Variants in TRAM2 observed in about 807,000 individuals in gnomAD.
TRAM2 encodes the protein translocating chain-associated membrane protein 2.
In TRAM2, 12 loss-of-function variants were observed where a neutral mutation model predicts 51.0. That is an observed-to-expected ratio of 0.24 (90% CI 0.15 to 0.38). The LOEUF (loss-of-function observed/expected upper bound fraction) is 0.38. Ranked by LOEUF, TRAM2 falls within the 10% of genes least tolerant of loss-of-function variation. TRAM2 has a pLI of 1.00. For missense variants in TRAM2, 361 were observed against 462.0 expected, an observed-to-expected ratio of 0.78 and a Z score of 2.00; for synonymous variants, 175 against 179.4, an observed-to-expected ratio of 0.98 and a Z score of 0.20.
At position 52,506,101 on chromosome 6, in the gene TRAM2, TGCA is replaced by T; in HGVS notation, c.659_661del (p.Leu220del). ...GTGGAAGAGGAACTCAGTTGAGTACTGCAGCAGCAGCAAGATCAGGCCCAGGCG... is the reference window on the plus strand; with the variant it reads ...GTGGAAGAGGAACTCAGTTGAGTACTGCAGCAGCAAGATCAGGCCCAGGCG... On this transcript the variant is annotated inframe_deletion, in exon 8 of 11. Coordinates refer to ENST00000182527, the MANE Select transcript of TRAM2 (RefSeq NM_012288.4). The T allele has an allele frequency of 6.2e-7, 1 of 1,614,136 alleles. No homozygotes were observed. The highest frequency in any genetic ancestry group is 1.1e-5 in the South Asian group (1 of 91,088).
chr6:52,549,536 C>T (rs1214838278), intron 1 of TRAM2, among the ~76,000 whole-genome samples: 1 of 152,142 alleles, frequency 6.6e-6, no homozygotes, highest in Non-Finnish European at 1.5e-5. Flanking sequence ...CATCAGTTAC[C>T]TAACAAATAC....
chr6:52,544,289 C>G (rs1380174353), intron 1 of TRAM2, among the ~76,000 whole-genome samples: 1 of 151,996 alleles, frequency 6.6e-6, no homozygotes, highest in African/African-American at 2.4e-5. Context: ...AAACTGAGGC[C>G]GGAAAGTGAA....
At chr6:52,541,999 C>T (rs1028869594) in intron 1 of TRAM2, among the ~76,000 whole-genome samples, 3 of 152,068 alleles carry the variant, frequency 2.0e-5, no homozygotes, top group African/African-American at 7.2e-5. Context: ...TGTCCCACGA[C>T]TGACAGTGAG....
intron 1 of TRAM2, among the ~76,000 whole-genome samples, chr6:52,542,184 G>A (rs916284716): frequency 2.0e-4 from 31 of 151,930 alleles, no homozygotes; most frequent in African/African-American, 7.0e-4. Context: ...TTTCTGCGGA[G>A]GAAGTGAATA....
chr6:52,525,611 C>T (rs888902318), intron 2 of TRAM2, among the ~76,000 whole-genome samples: 4 of 152,176 alleles, frequency 2.6e-5, no homozygotes, highest in Non-Finnish European at 5.9e-5. Flanking sequence ...AGTTCAAGAC[C>T]AGCCTGGCCA....
At chr6:52,567,002 T>C (rs1304440527) in intron 1 of TRAM2, among the ~76,000 whole-genome samples, 1 of 152,362 alleles carries the variant, frequency 6.6e-6, no homozygotes, top group Non-Finnish European at 1.5e-5. Context: ...GATTAAGCAA[T>C]GTGTCCTTTT....
In TRAM2 at chr6:52,504,747, C is replaced by G; in HGVS notation, c.883G>C (p.Val295Leu). 1 of 1,605,228 alleles carries G rather than the reference C, an allele frequency of 6.2e-7. No individual in the cohort carries two copies. The highest frequency in any genetic ancestry group is 8.5e-7 in the Non-Finnish European group (1 of 1,177,332). Reference protein sequence around the residue: ...NFNTLFCRLCVLLLVCAAQAW... With the variant: ...NFNTLFCRLCLLLLVCAAQAW... ...TGGGCGGCACACACCAGCAGCAGCA[C>G]GCAGAGCCTGCAGAGCAGGGGGTTA... Residue 295 changes from valine to leucine, a missense_variant, in exon 10 of 11, where the codon GTG becomes CTG. Physicochemically the swap from Val to Leu is conservative, Grantham distance 32 (BLOSUM62 1). Coordinates refer to ENST00000182527, the MANE Select transcript of TRAM2 (RefSeq NM_012288.4).
intron 1 of TRAM2, among the ~76,000 whole-genome samples, chr6:52,566,949 C>T (rs924468950): frequency 1.3e-5 from 2 of 152,222 alleles, no homozygotes; most frequent in African/African-American, 4.8e-5. Flanking sequence ...ACTGTACTTG[C>T]CTCCTTTTAT....
chr6:52,557,874 C>T (rs953729219), intron 1 of TRAM2, among the ~76,000 whole-genome samples: 2 of 152,132 alleles, frequency 1.3e-5, no homozygotes, highest in Non-Finnish European at 2.9e-5. Flanking sequence ...TCTGGGACTT[C>T]GGCCACGTCA....
chr6:52,514,253 T>C (rs2268738), intron 4 of TRAM2, among the ~76,000 whole-genome samples: 1 of 142,006 alleles, frequency 7.0e-6, no homozygotes, highest in African/African-American at 3.1e-5. Flanking sequence ...AACAGAAAAA[T>C]ATTATTTTTT....
intron 2 of TRAM2, among the ~76,000 whole-genome samples, chr6:52,526,346 T>C (rs898524737): frequency 2.6e-5 from 4 of 152,196 alleles, no homozygotes; most frequent in African/African-American, 9.7e-5. Flanking sequence ...TAAAACAATG[T>C]AGCAAAGATG....
chr6:52,562,563 A>G (rs896365974), intron 1 of TRAM2, among the ~76,000 whole-genome samples: 23 of 152,098 alleles, frequency 1.5e-4, no homozygotes, highest in African/African-American at 5.6e-4. Flanking sequence ...GATGCTGAGA[A>G]TTTTTTTAAA....
chr6:52,507,721 C>G (rs1418073026), intron 6 of TRAM2, 98 bp from the exon 7 acceptor site: 1 of 1,139,504 alleles, frequency 8.8e-7, no homozygotes, highest in Non-Finnish European at 1.3e-6. Flanking sequence ...GGCCAGGCTC[C>G]TCTGGGCTGC....
chr6:52,552,414 A>G (rs1268230821), intron 1 of TRAM2, among the ~76,000 whole-genome samples: 1 of 152,206 alleles, frequency 6.6e-6, no homozygotes, highest in African/African-American at 2.4e-5. Flanking sequence ...GGTAAAGCTC[A>G]AATGGCTGTA....
chr6:52,535,900 A>G, intron 1 of TRAM2, 54 bp from the exon 2 acceptor site: 1 of 1,522,326 alleles, frequency 6.6e-7, no homozygotes, highest in Non-Finnish European at 9.1e-7. Flanking sequence ...ATCAAAAGAA[A>G]CAAGTGGAAG....
Position 52,504,590 on chromosome 6 carries a change from C to A in TRAM2, c.1039+1G>T, listed in dbSNP as rs1346567773. ...TCTCTGCCAAGGGCCCTGGCACTCACCAGATTCCCTCTTGATGAGCCTGGC... is the reference window on the plus strand; with the variant it reads ...TCTCTGCCAAGGGCCCTGGCACTCAACAGATTCCCTCTTGATGAGCCTGGC... On this transcript the variant is annotated splice_donor_variant, in intron 10 of 10. Transcript: ENST00000182527. LOFTEE classifies it high-confidence loss of function. The A allele has an allele frequency of 6.2e-7, 1 of 1,614,000 alleles. No individual in the cohort carries two copies. Among genetic ancestry groups the A allele is most frequent in the Non-Finnish European group, 8.5e-7 (1 of 1,180,044 alleles).
intron 9 of TRAM2, 138 bp from the exon 10 acceptor site, chr6:52,504,892 C>T (rs1363663927): frequency 2.9e-6 from 2 of 689,058 alleles, no homozygotes; most frequent in Non-Finnish European, 4.9e-6. Context: ...TGGCCCTCTT[C>T]GATACCACCA....
At chr6:52,566,210 G>C (rs1232062620) in intron 1 of TRAM2, among the ~76,000 whole-genome samples, 1 of 152,146 alleles carries the variant, frequency 6.6e-6, no homozygotes, top group Admixed American at 6.5e-5. Context: ...GTTATAAGAA[G>C]GTCTAGAGAA....
Position 52,515,999 on chromosome 6 carries a change from G to C in TRAM2, c.411+7C>G. On this transcript the variant is annotated splice_region_variant and intron_variant, in intron 4 of 10. Coordinates refer to ENST00000182527, the MANE Select transcript of TRAM2 (RefSeq NM_012288.4). ...CTCCCGCTTCAGCAGTCCTGAGAAT[G>C]GCTCACCGTCACCACCACGTAGAAG... The C allele has an allele frequency of 6.2e-7, 1 of 1,613,574 alleles. No homozygotes were observed.
Sources: allele counts gnomAD v4.1 joint callset (sites outside exome capture counted in the v4.1 genomes callset), GRCh38; gene constraint gnomAD v4.1.1; transcripts MANE v1.5; gene names NCBI Gene and HGNC (gene_info 2026-07-23, HGNC 2026-07-21).